Variants in KLF15 observed in about 807,000 individuals in gnomAD.
KLF15 encodes the protein KLF transcription factor 15.
In KLF15, 4 loss-of-function variants were observed where a neutral mutation model predicts 24.6. That is an observed-to-expected ratio of 0.16 (90% CI 0.08 to 0.37). KLF15 has a LOEUF of 0.37. Ranked by LOEUF, KLF15 falls within the 10% of genes least tolerant of loss-of-function variation. The probability of loss-of-function intolerance (pLI) is 1.00; values close to 1 mark genes in which losing one functional copy is unlikely to be tolerated. For missense variants in KLF15, 496 were observed against 560.6 expected (o/e 0.88, Z 1.16); for synonymous variants, 246 against 236.3 (o/e 1.04, Z -0.37).
chr3:126,296,470 G>A, the KLF15 span, among the ~76,000 whole-genome samples: 1 of 152,230 alleles, frequency 6.6e-6, no homozygotes, highest in African/African-American at 2.4e-5. Context: ...GCCTCCCAAA[G>A]TGCTGGAATT....
the KLF15 span, among the ~76,000 whole-genome samples, chr3:126,329,595 T>A: frequency 6.6e-6 from 1 of 152,236 alleles, no homozygotes; most frequent in Non-Finnish European, 1.5e-5. Flanking sequence ...ACCACCATTG[T>A]CGTGTCATAT....
At chr3:126,295,659 T>A in the KLF15 span, among the ~76,000 whole-genome samples, 2 of 152,160 alleles carry the variant, frequency 1.3e-5, no homozygotes, top group Non-Finnish European at 2.9e-5. Context: ...TTGACAAAGA[T>A]TATATGCTTG....
chr3:126,299,442 T>C, the KLF15 span, among the ~76,000 whole-genome samples: 63,929 of 151,734 alleles, frequency 0.42, 13,722 homozygotes, highest in African/African-American at 0.46. Flanking sequence ...GGTATGACTG[T>C]TGTACTCATA....
intron 2 of KLF15, among the ~76,000 whole-genome samples, chr3:126,351,567 A>C (rs1314688876): frequency 6.6e-6 from 1 of 151,970 alleles, no homozygotes; most frequent in Non-Finnish European, 1.5e-5. Flanking sequence ...CCCTTGTCAG[A>C]CTGGATGGGG....
chr3:126,294,858 C>A, the KLF15 span, among the ~76,000 whole-genome samples: 1 of 135,598 alleles, frequency 7.4e-6, no homozygotes, highest in African/African-American at 3.0e-5. Flanking sequence ...TGGCCCTGCC[C>A]CTCCATACAC....
chr3:126,351,806 G>T, intron 2 of KLF15, 35 bp downstream of exon 2: 1 of 1,584,572 alleles, frequency 6.3e-7, no homozygotes. Context: ...GAGTGGCTGT[G>T]CTCACTGCCC....
At chr3:126,292,200 C>T in the KLF15 span, among the ~76,000 whole-genome samples, 1 of 152,166 alleles carries the variant, frequency 6.6e-6, no homozygotes. Flanking sequence ...CAGGGAAGCA[C>T]AGGGCTGGGG....
the KLF15 span, among the ~76,000 whole-genome samples, chr3:126,294,788 C>T: frequency 6.6e-5 from 10 of 151,916 alleles, no homozygotes; most frequent in African/African-American, 1.7e-4. Context: ...TTTGCCCTGC[C>T]GCTAGGAAGA....
At chr3:126,326,944 A>G in the KLF15 span, among the ~76,000 whole-genome samples, 1 of 152,212 alleles carries the variant, frequency 6.6e-6, no homozygotes. Flanking sequence ...GGATAGTGCA[A>G]ACATTCTTGA....
the KLF15 span, among the ~76,000 whole-genome samples, chr3:126,308,246 A>G: frequency 6.6e-6 from 1 of 152,212 alleles, no homozygotes; most frequent in South Asian, 2.1e-4. Context: ...TGAGTCCAGC[A>G]CAACCCTGAT....
chr3:126,320,930 G>C, the KLF15 span, among the ~76,000 whole-genome samples: 1 of 152,098 alleles, frequency 6.6e-6, no homozygotes, highest in Non-Finnish European at 1.5e-5. Flanking sequence ...CAGCTGCAGG[G>C]TCAGAACCCT....
the KLF15 span, among the ~76,000 whole-genome samples, chr3:126,332,328 C>T: frequency 8.8e-5 from 13 of 147,256 alleles, no homozygotes; most frequent in African/African-American, 3.2e-4. Context: ...CCTCACACTG[C>T]AGGGTATTCC....
At chr3:126,312,889 C>T in the KLF15 span, among the ~76,000 whole-genome samples, 2 of 152,146 alleles carry the variant, frequency 1.3e-5, no homozygotes, top group African/African-American at 4.8e-5. Context: ...CATTACTGAC[C>T]TCCCGCTCAT....
intron 2 of KLF15, among the ~76,000 whole-genome samples, chr3:126,350,324 G>A (rs1289970575): frequency 6.6e-6 from 1 of 152,240 alleles, no homozygotes; most frequent in African/African-American, 2.4e-5. Context: ...CTCCAGGATG[G>A]AGACCTTGTG....
chr3:126,329,015 G>T, the KLF15 span, among the ~76,000 whole-genome samples: 7 of 152,018 alleles, frequency 4.6e-5, no homozygotes, highest in African/African-American at 1.7e-4. Flanking sequence ...TCACTCATAG[G>T]GTGTCTGTTC....
At chr3:126,354,316 G>T (rs1247953618) in intron 1 of KLF15, 2 of 152,240 alleles carry the variant, frequency 1.3e-5, no homozygotes, top group Non-Finnish European at 2.9e-5. Context: ...ACCAAAGTCA[G>T]AGGTTCTCTG....
Position 126,352,061 on chromosome 3 carries a change from CGGCAATGGGCACAGG to C in KLF15, c.847_861del (p.Pro283_Ala287del), listed in dbSNP as rs1560040811. The C allele has an allele frequency of 6.5e-7, 1 of 1,529,966 alleles. No homozygotes were observed. The highest frequency in any genetic ancestry group is 2.1e-5 in the Admixed American group (1 of 48,528). The allele number at this position is 1,529,966 out of a possible 1,614,324, so 94.8% of individuals were successfully genotyped here. ...AGGGGTCCCGATCCAACAGGCTTGG[CGGCAATGGGCACAGG>C]GGCAATGCGCACAAACTTGGAGGGC... On this transcript the variant is annotated inframe_deletion, in exon 2 of 3. Coordinates refer to ENST00000296233, the MANE Select transcript of KLF15 (RefSeq NM_014079.4).
the KLF15 span, chr3:126,288,728 G>T: frequency 6.6e-6 from 1 of 152,290 alleles, no homozygotes; most frequent in Non-Finnish European, 1.5e-5. Context: ...GACGCCTCCA[G>T]CAGCCCCACG....
chr3:126,349,755 G>A (rs1039544165), intron 2 of KLF15, among the ~76,000 whole-genome samples: 17 of 152,164 alleles, frequency 1.1e-4, no homozygotes, highest in Admixed American at 3.3e-4. Flanking sequence ...ACCTGAGCCC[G>A]ACTAAGGAGT....
Sources: allele counts gnomAD v4.1 joint callset (sites outside exome capture counted in the v4.1 genomes callset), GRCh38; gene constraint gnomAD v4.1.1; transcripts MANE v1.5; gene names NCBI Gene and HGNC (gene_info 2026-07-23, HGNC 2026-07-21).